The following MICAL2 variants were observed in gnomAD, a reference collection of about 807,000 sequenced individuals.
MICAL2 encodes the protein microtubule associated monooxygenase, calponin and LIM domain containing 2.
A neutral mutation model predicts 127.3 loss-of-function variants in MICAL2; 77 were observed. That is an observed-to-expected ratio of 0.60 (90% CI 0.50 to 0.73). MICAL2 has a LOEUF of 0.73. Ranked by LOEUF, MICAL2 falls within the 30% of genes least tolerant of loss-of-function variation. The pLI is 0.00. For synonymous variants in MICAL2, 570 were observed against 551.1 expected (o/e 1.03, Z -0.48); for missense variants, 1,351 against 1,434.4 (o/e 0.94, Z 0.94).
At chr11:12,195,230 C>T (rs897309452) in intron 3 of MICAL2, among the ~76,000 whole-genome samples, 2 of 152,214 alleles carry the variant, frequency 1.3e-5, no homozygotes, top group Non-Finnish European at 2.9e-5. Context: ...GTACTCCAGC[C>T]TGGGCTACAG....
intron 3 of MICAL2, among the ~76,000 whole-genome samples, chr11:12,175,447 G>C (rs1856730577): frequency 6.6e-6 from 1 of 152,072 alleles, no homozygotes; most frequent in South Asian, 2.1e-4. Context: ...CTCCACTCCA[G>C]CCCGGGCAAC....
chr11:12,327,420 A>G (rs1864367252), intron 32 of MICAL2, among the ~76,000 whole-genome samples: 1 of 152,242 alleles, frequency 6.6e-6, no homozygotes, highest in South Asian at 2.1e-4. Context: ...TTAAACATCA[A>G]ACTATTGTTT....
At chr11:12,260,222 T>C (rs1425694310) in intron 26 of MICAL2, 4 of 1,453,840 alleles carry the variant, frequency 2.8e-6, no homozygotes, top group Non-Finnish European at 3.6e-6. Context: ...AGGCTTCAGA[T>C]GGCAGTGCGT....
intron 3 of MICAL2, among the ~76,000 whole-genome samples, chr11:12,202,996 T>C (rs542739012): frequency 6.6e-6 from 1 of 152,376 alleles, no homozygotes; most frequent in South Asian, 2.1e-4. Flanking sequence ...GATTTGCCTA[T>C]TCTGGACATT....
At chr11:12,300,403 A>G (rs898544424) in intron 29 of MICAL2, among the ~76,000 whole-genome samples, 3 of 135,398 alleles carry the variant, frequency 2.2e-5, no homozygotes, top group African/African-American at 6.0e-5. Context: ...TTAAGCCCCA[A>G]AACAATTCAC....
At chr11:12,295,518 C>G (rs550585613), downstream of MICAL2, among the ~76,000 whole-genome samples, 21 of 142,372 alleles carry the variant, frequency 1.5e-4, no homozygotes, top group South Asian at 4.6e-3. Context: ...GTGGCCTGAT[C>G]ATGGCTCATT....
chr11:12,359,563 A>G (rs1162421817), downstream of MICAL2, among the ~76,000 whole-genome samples: 4 of 152,148 alleles, frequency 2.6e-5, no homozygotes, highest in Non-Finnish European at 5.9e-5. Context: ...CAGTGACCCT[A>G]TTTACCAAAT....
chr11:12,211,107 T>C (rs1347772207), intron 6 of MICAL2, among the ~76,000 whole-genome samples: 5 of 152,158 alleles, frequency 3.3e-5, no homozygotes, highest in Non-Finnish European at 5.9e-5. Context: ...TGGCCAGGCG[T>C]GGTGGCTCAC....
chr11:12,325,362 A>G (rs1864342885), intron 31 of MICAL2, among the ~76,000 whole-genome samples: 1 of 151,866 alleles, frequency 6.6e-6, no homozygotes, highest in Non-Finnish European at 1.5e-5. Flanking sequence ...CTCCCACCAC[A>G]TTTTCCCAAA....
At chr11:12,195,865 AG>A (rs1179144184) in intron 3 of MICAL2, 1 of 152,346 alleles carries the variant, frequency 6.6e-6, no homozygotes, top group African/African-American at 2.4e-5. Context: ...TGAGGACAAA[AG>A]GGAAACTGTA....
Position 12,185,159 on chromosome 11 carries a change from G to A in MICAL2, c.265-19091G>A, listed in dbSNP as rs1165982628. On this transcript the variant is annotated intron_variant, in intron 3 of 27. Transcript: ENST00000683283. Reference sequence around the variant, plus strand: ...TGGGGGGATGGATGGGTGGGTGTGTGGATGAATGGGTGGGTGGCTGGATGG... The same window carrying A: ...TGGGGGGATGGATGGGTGGGTGTGTAGATGAATGGGTGGGTGGCTGGATGG... Among the ~76,000 whole-genome samples the A allele has an allele frequency of 9.7e-5, 10 of 103,248 alleles. 1 individual carries two copies. The highest frequency in any genetic ancestry group is 3.5e-4 in the African/African-American group (10 of 28,404). 67.7% of individuals were successfully genotyped at this position (103,248 alleles called of 152,430 possible).
At chr11:12,220,481 C>A (rs775055685) in intron 9 of MICAL2, 23 bp downstream of exon 9, 2 of 1,601,056 alleles carry the variant, frequency 1.2e-6, no homozygotes, top group Admixed American at 1.7e-5. Context: ...CTCGGAGCCC[C>A]CATGTTTCTC....
intron 3 of MICAL2, among the ~76,000 whole-genome samples, chr11:12,202,122 CA>C (rs5789719): frequency 0.94 from 139,781 of 148,304 alleles, 66,209 homozygotes; most frequent in Non-Finnish European, 1. Flanking sequence ...AACTGTGTCT[CA>C]AAAAAAAAAA....
downstream of MICAL2, among the ~76,000 whole-genome samples, chr11:12,360,145 C>T (rs2134919536): frequency 6.7e-6 from 1 of 148,258 alleles, no homozygotes; most frequent in South Asian, 2.2e-4. Context: ...ATCAGGTCTT[C>T]CAGGGCCTGA....
At chr11:12,186,323 G>A (rs1161627478) in intron 3 of MICAL2, among the ~76,000 whole-genome samples, 1 of 152,012 alleles carries the variant, frequency 6.6e-6, no homozygotes, top group Non-Finnish European at 1.5e-5. Flanking sequence ...AAAGTTCAAA[G>A]TGGGCCTTAG....
At chr11:12,184,651 G>A (rs1048104221) in intron 3 of MICAL2, among the ~76,000 whole-genome samples, 3 of 152,164 alleles carry the variant, frequency 2.0e-5, no homozygotes, top group African/African-American at 7.2e-5. Flanking sequence ...TACTTTTACT[G>A]TCACAAGAAT....
At chr11:12,332,043 A>G (rs1427761409) in intron 32 of MICAL2, among the ~76,000 whole-genome samples, 1 of 152,182 alleles carries the variant, frequency 6.6e-6, no homozygotes, top group East Asian at 1.9e-4. Flanking sequence ...ATGAGGACTC[A>G]TTGTTATCAC....
chr11:12,298,038 A>G (rs933340772), intron 29 of MICAL2, among the ~76,000 whole-genome samples: 5 of 151,774 alleles, frequency 3.3e-5, no homozygotes, highest in Non-Finnish European at 7.4e-5. Context: ...TGAACTTAGT[A>G]TAAGCTTGTC....
chr11:12,239,348 C>T (rs1465862878), intron 16 of MICAL2, 88 bp from the exon 17 acceptor site: 103 of 1,569,480 alleles, frequency 6.6e-5, no homozygotes, highest in Non-Finnish European at 8.7e-5. Flanking sequence ...CTGCGGGAAG[C>T]TAGTCCCACG....
Sources: allele counts gnomAD v4.1 joint callset (sites outside exome capture counted in the v4.1 genomes callset), GRCh38; gene constraint gnomAD v4.1.1; transcripts MANE v1.5; gene names NCBI Gene and HGNC (gene_info 2026-07-23, HGNC 2026-07-21).